Variants in CFAP92 observed in about 807,000 individuals in gnomAD.
CFAP92 encodes the protein cilia and flagella associated protein 92 (putative).
In CFAP92, 86 loss-of-function variants were observed where a neutral mutation model predicts 106.3. The ratio of observed to expected loss-of-function variants is 0.81; its 90% CI spans 0.68 to 0.97. The LOEUF (loss-of-function observed/expected upper bound fraction) is 0.97. Among genes scored for constraint, CFAP92 ranks in the 50% least tolerant of loss-of-function variants. CFAP92 has a pLI of 0.00. For missense variants in CFAP92, 1,204 were observed against 1,283.8 expected (o/e 0.94, Z 0.95); for synonymous variants, 477 against 506.4 (o/e 0.94, Z 0.78).
intron 9 of CFAP92, among the ~76,000 whole-genome samples, chr3:128,949,935 G>T (rs1238802240): frequency 2.0e-5 from 3 of 152,146 alleles, no homozygotes. Context: ...TGATCCACCT[G>T]CCTCAGCCTC....
At chr3:129,008,662 G>A in the CFAP92 span, among the ~76,000 whole-genome samples, 1 of 152,250 alleles carries the variant, frequency 6.6e-6, no homozygotes, top group South Asian at 2.1e-4. Flanking sequence ...GGTGTGCCAT[G>A]TGCTGAGGGG....
At chr3:129,003,365 A>G (rs552929720), upstream of CFAP92, 1 of 858,054 alleles carries the variant, frequency 1.2e-6, no homozygotes, top group East Asian at 1.2e-4. Context: ...GATAGAAACC[A>G]CCCTCAAAAG....
chr3:129,020,598 C>T, the CFAP92 span, among the ~76,000 whole-genome samples: 1 of 152,154 alleles, frequency 6.6e-6, no homozygotes, highest in South Asian at 2.1e-4. Context: ...GATCACGCCA[C>T]TGCATTCCAG....
intron 5 of CFAP92, among the ~76,000 whole-genome samples, chr3:128,977,290 A>G (rs1218165216): frequency 4.6e-5 from 7 of 152,198 alleles, no homozygotes; most frequent in Non-Finnish European, 8.8e-5. Flanking sequence ...TCCTTACATA[A>G]CAGCCCACAG....
At position 128,977,083 on chromosome 3, in the gene CFAP92, A is replaced by G; in HGVS notation, c.809-17T>C. ...GGTGAGAACCTGAAAACAGTAGCAA[A>G]TATTTCCAAGCTTTTTGTTACATGC... On this transcript the variant is annotated splice_polypyrimidine_tract_variant and intron_variant, in intron 5 of 15. Transcript: ENST00000645291. 3 of 1,607,876 alleles carry G rather than the reference A, an allele frequency of 1.9e-6. No homozygotes were observed. The highest frequency in any genetic ancestry group is 4.5e-5 in the East Asian group (2 of 44,862).
intron 12 of CFAP92, among the ~76,000 whole-genome samples, chr3:128,929,216 A>G (rs558130634): frequency 6.6e-6 from 1 of 152,372 alleles, no homozygotes; most frequent in East Asian, 1.9e-4. Context: ...AATGCAAATT[A>G]AAATCATGAG....
At chr3:128,973,188 A>T (rs536560014) in intron 7 of CFAP92, among the ~76,000 whole-genome samples, 1 of 152,118 alleles carries the variant, frequency 6.6e-6, no homozygotes, top group South Asian at 2.1e-4. Flanking sequence ...CAGTAAGACA[A>T]TTTTTTTTAA....
chr3:128,994,470 A>C (rs1944405164), upstream of CFAP92, among the ~76,000 whole-genome samples: 1 of 152,166 alleles, frequency 6.6e-6, no homozygotes, highest in Non-Finnish European at 1.5e-5. Flanking sequence ...CCCTCTCATT[A>C]GATTCTCTGC....
At chr3:128,946,068 T>A in intron 9 of CFAP92, 93 bp from the exon 10 acceptor site, 1 of 901,792 alleles carries the variant, frequency 1.1e-6, no homozygotes, top group Non-Finnish European at 1.6e-6. Flanking sequence ...GCCAGGCTCA[T>A]TGCCTGTCCC....
intron 9 of CFAP92, among the ~76,000 whole-genome samples, chr3:128,951,609 G>A (rs145435236): frequency 4.4e-4 from 67 of 152,324 alleles, no homozygotes; most frequent in African/African-American, 1.6e-3. Flanking sequence ...ACTGAGTGCT[G>A]GAGAAGGCAG....
At chr3:128,920,763 A>G (rs1029589703) in intron 12 of CFAP92, among the ~76,000 whole-genome samples, 1 of 152,198 alleles carries the variant, frequency 6.6e-6, no homozygotes, top group Non-Finnish European at 1.5e-5. Flanking sequence ...CACAAGCCAC[A>G]AGGGCGTGGC....
intron 9 of CFAP92, among the ~76,000 whole-genome samples, chr3:128,964,410 G>C (rs1003204823): frequency 6.6e-6 from 1 of 152,108 alleles, no homozygotes; most frequent in Non-Finnish European, 1.5e-5. Context: ...ACTATCTTTT[G>C]TCTAGTCATA....
intron 1 of CFAP92, chr3:129,001,794 GACCAGTACCTGC>G (rs1559951408): frequency 6.5e-7 from 1 of 1,544,906 alleles, no homozygotes; most frequent in Admixed American, 2.0e-5. Context: ...CACCGGCCTG[GACCAGTACCTGC>G]AGGAGGTCTT....
chr3:128,910,195 T>C lies in CFAP92; in HGVS notation c.*104A>G, dbSNP rs1245308573. 3.1e-6 allele frequency: 5 copies of C among 1,612,736 alleles called. No individual in the cohort carries two copies. Among genetic ancestry groups the C allele is most frequent in the Non-Finnish European group, 4.2e-6 (5 of 1,179,812 alleles). On this transcript the variant is annotated 3_prime_UTR_variant, in exon 16 of 16. Transcript: ENST00000645291. Reference sequence around the variant, plus strand: ...CACAGGGCCTGGCTGCTGCCATCTGTCCTGCTGCACTTTAATGAAGTTGAT... The same window carrying C: ...CACAGGGCCTGGCTGCTGCCATCTGCCCTGCTGCACTTTAATGAAGTTGAT...
chr3:128,976,188 TAACA>T (rs1943145391), intron 6 of CFAP92, among the ~76,000 whole-genome samples: 1 of 151,990 alleles, frequency 6.6e-6, no homozygotes, highest in South Asian at 2.1e-4. Context: ...TTCAAGATAC[TAACA>T]AACTCAAAAA....
intron 13 of CFAP92, 115 bp downstream of exon 13, chr3:128,915,992 C>A: frequency 1.5e-6 from 1 of 676,414 alleles, no homozygotes; most frequent in African/African-American, 1.9e-5. Flanking sequence ...CTTCCCCTAG[C>A]TGATTGGCTT....
chr3:129,011,893 T>G, the CFAP92 span, among the ~76,000 whole-genome samples: 2 of 152,116 alleles, frequency 1.3e-5, no homozygotes, highest in Non-Finnish European at 1.5e-5. Context: ...AATAAATGCA[T>G]CCTTCAGAGA....
At chr3:128,912,693 G>A (rs1174541418) in intron 15 of CFAP92, 2 of 1,232,144 alleles carry the variant, frequency 1.6e-6, no homozygotes, top group South Asian at 1.2e-5. Context: ...AGAAGGTGTT[G>A]GGATTATCAC....
At chr3:128,921,546 G>A (rs1937283250) in intron 12 of CFAP92, among the ~76,000 whole-genome samples, 1 of 152,206 alleles carries the variant, frequency 6.6e-6, no homozygotes, top group Non-Finnish European at 1.5e-5. Flanking sequence ...ATTGAAAGTA[G>A]GAAAGAATAT....
Sources: allele counts gnomAD v4.1 joint callset (sites outside exome capture counted in the v4.1 genomes callset), GRCh38; gene constraint gnomAD v4.1.1; transcripts MANE v1.5; gene names NCBI Gene and HGNC (gene_info 2026-07-23, HGNC 2026-07-21).